CCDC102B: variants seen among roughly 807,000 people sequenced by gnomAD.
CCDC102B encodes coiled-coil domain containing 102B, also known as coiled-coil domain-containing protein 102B.
CCDC102B carries 75 observed loss-of-function variants against 57.4 expected under a neutral mutation model. The ratio of observed to expected loss-of-function variants is 1.31; its 90% CI spans 1.08 to 1.58. CCDC102B has a LOEUF of 1.58. Among genes scored for constraint, CCDC102B ranks in the 40% most tolerant of loss-of-function variants. CCDC102B has a pLI of 0.00. For synonymous variants in CCDC102B, 206 were observed against 201.9 expected (o/e 1.02, Z -0.17); for missense variants, 636 against 582.6 (o/e 1.09, Z -0.94).
chr18:68,996,860 G>C (rs1046197563), intron 6 of CCDC102B, among the ~76,000 whole-genome samples: 1 of 152,148 alleles, frequency 6.6e-6, no homozygotes, highest in Non-Finnish European at 1.5e-5. Flanking sequence ...TTTGGGAGGG[G>C]CCAGGGGAAG....
intron 5 of CCDC102B, among the ~76,000 whole-genome samples, chr18:68,885,427 G>T (rs982110735): frequency 1.3e-4 from 19 of 151,922 alleles, no homozygotes; most frequent in Non-Finnish European, 2.4e-4. Flanking sequence ...ATACCAAAAA[G>T]ACAGAGCAAA....
intron 2 of CCDC102B, among the ~76,000 whole-genome samples, chr18:68,738,067 A>G (rs372326981): frequency 3.9e-4 from 60 of 152,272 alleles, no homozygotes; most frequent in African/African-American, 1.2e-3. Flanking sequence ...ATAGTACACC[A>G]TCCCCTTGCA....
intron 6 of CCDC102B, among the ~76,000 whole-genome samples, chr18:68,956,388 A>T (rs188695305): frequency 8.4e-4 from 27 of 31,972 alleles, no homozygotes; most frequent in African/African-American, 2.9e-3. Context: ...ATAATATATA[A>T]TATATATATA....
At chr18:68,857,811 T>C (rs2038548342) in intron 4 of CCDC102B, among the ~76,000 whole-genome samples, 1 of 152,182 alleles carries the variant, frequency 6.6e-6, no homozygotes, top group Non-Finnish European at 1.5e-5. Context: ...ATTTATTGAA[T>C]TATTTTCCTA....
chr18:69,044,424 C>T (rs2145481668), intron 7 of CCDC102B, among the ~76,000 whole-genome samples: 1 of 152,246 alleles, frequency 6.6e-6, no homozygotes, highest in East Asian at 1.9e-4. Context: ...TCTAAAATGA[C>T]AAATTCATGT....
At chr18:68,960,205 G>T (rs1189374640) in intron 6 of CCDC102B, among the ~76,000 whole-genome samples, 1 of 152,132 alleles carries the variant, frequency 6.6e-6, no homozygotes, top group African/African-American at 2.4e-5. Flanking sequence ...TAGTCAGCAT[G>T]CAATGAAACC....
At chr18:69,049,655 A>G (rs2052654780) in intron 7 of CCDC102B, among the ~76,000 whole-genome samples, 2 of 152,152 alleles carry the variant, frequency 1.3e-5, no homozygotes, top group South Asian at 2.1e-4. Context: ...CAAATAAAAC[A>G]CTTCTTAAAA....
At chr18:68,919,020 G>A (rs2041177184) in intron 6 of CCDC102B, among the ~76,000 whole-genome samples, 2 of 152,040 alleles carry the variant, frequency 1.3e-5, no homozygotes, top group South Asian at 2.1e-4. Context: ...CATGTGTTAA[G>A]ACTACAAGTG....
Position 68,862,034 on chromosome 18 carries a change from A to T in CCDC102B, c.937-12635A>T, listed in dbSNP as rs560317015. On this transcript the variant is annotated intron_variant, in intron 4 of 7. Coordinates refer to ENST00000360242, the MANE Select transcript of CCDC102B (RefSeq NM_024781.3). Reference sequence around the variant, plus strand: ...AATTTATATAATCATCTCTCTCTAAATGTGTATGTTATAGATTGATAAACA... The same window carrying T: ...AATTTATATAATCATCTCTCTCTAATTGTGTATGTTATAGATTGATAAACA... 2.0e-4 allele frequency among the ~76,000 whole-genome samples: 30 copies of T among 152,296 alleles called. No homozygotes were observed. The East Asian group carries it at 3.3e-3, about 17-fold the overall frequency.
At chr18:68,903,270 A>G (rs1335628947) in intron 6 of CCDC102B, among the ~76,000 whole-genome samples, 1 of 152,168 alleles carries the variant, frequency 6.6e-6, no homozygotes, top group Non-Finnish European at 1.5e-5. Flanking sequence ...AACCATTTTT[A>G]TGCTCTTACA....
chr18:68,800,759 G>A (rs2035818764), intron 1 of CCDC102B, among the ~76,000 whole-genome samples: 1 of 152,068 alleles, frequency 6.6e-6, no homozygotes, highest in Non-Finnish European at 1.5e-5. Flanking sequence ...ATCAAATAAA[G>A]GCATTGTATA....
rs1305084946 is a variant in CCDC102B, at chr18:68,741,692, CA to C, written c.-67+25099del. On this transcript the variant is annotated intron_variant, in intron 2 of 3. Transcript: ENST00000578970. Reference sequence around the variant, plus strand: ...TCACACACACACACACACACACACACACACACACACACACACACACACCCCA... The same window carrying C: ...TCACACACACACACACACACACACACCACACACACACACACACACACCCCA... 2.0e-5 allele frequency among the ~76,000 whole-genome samples: 3 copies of C among 148,288 alleles called. No homozygotes were observed. The Admixed American group carries it at 2.0e-4, about 10-fold the overall frequency.
intron 4 of CCDC102B, among the ~76,000 whole-genome samples, chr18:68,868,052 A>G (rs577501771): frequency 6.6e-6 from 1 of 152,310 alleles, no homozygotes; most frequent in South Asian, 2.1e-4. Context: ...TTATTTCTCA[A>G]TGATATTTCC....
intron 7 of CCDC102B, among the ~76,000 whole-genome samples, chr18:69,053,325 T>C (rs543653936): frequency 4.0e-4 from 43 of 108,110 alleles, no homozygotes; most frequent in Admixed American, 2.2e-3. Flanking sequence ...ATATTTCACA[T>C]ATATATATAT....
At chr18:68,813,865 G>A (rs1303140337) in intron 1 of CCDC102B, among the ~76,000 whole-genome samples, 1 of 151,438 alleles carries the variant, frequency 6.6e-6, no homozygotes, top group Non-Finnish European at 1.5e-5. Context: ...ATCTGAGAAC[G>A]ATGTGATAGT....
chr18:68,847,096 A>G (rs1195533089), intron 4 of CCDC102B, among the ~76,000 whole-genome samples: 5 of 151,852 alleles, frequency 3.3e-5, no homozygotes, highest in African/African-American at 1.2e-4. Context: ...TAATGAGTAA[A>G]GAAAAGAAAA....
At chr18:69,031,033 A>G (rs1182380843) in intron 7 of CCDC102B, among the ~76,000 whole-genome samples, 2 of 152,164 alleles carry the variant, frequency 1.3e-5, no homozygotes, top group Admixed American at 1.3e-4. Context: ...CTTTCTGTCC[A>G]AACAGAGAAA....
intron 7 of CCDC102B, among the ~76,000 whole-genome samples, chr18:69,052,146 A>G (rs1007390629): frequency 2.0e-5 from 3 of 151,968 alleles, no homozygotes; most frequent in Non-Finnish European, 4.4e-5. Flanking sequence ...TATATACAGA[A>G]AAAAAGAAAT....
chr18:68,773,015 G>A (rs2034692291), intron 2 of CCDC102B, among the ~76,000 whole-genome samples: 1 of 151,956 alleles, frequency 6.6e-6, no homozygotes, highest in Admixed American at 6.6e-5. Flanking sequence ...TAATTCCTGA[G>A]ACATAAACCA....
Sources: allele counts gnomAD v4.1 joint callset (sites outside exome capture counted in the v4.1 genomes callset), GRCh38; gene constraint gnomAD v4.1.1; transcripts MANE v1.5; gene names NCBI Gene and HGNC (gene_info 2026-07-23, HGNC 2026-07-21).